The following TLL1 variants were observed in gnomAD, a reference collection of about 807,000 sequenced individuals.
TLL1 encodes the protein tolloid-like protein 1.
In TLL1, 49 loss-of-function variants were observed where a neutral mutation model predicts 128.2. The ratio of observed to expected loss-of-function variants is 0.38; its 90% CI spans 0.30 to 0.48. The LOEUF is 0.48. TLL1 is among the 20% of genes least tolerant of loss of function. TLL1 has a pLI of 0.96. For synonymous variants in TLL1, 454 were observed against 418.8 expected, an observed-to-expected ratio of 1.08 and a Z score of -1.03; for missense variants, 1,123 against 1,242.0, an observed-to-expected ratio of 0.90 and a Z score of 1.44.
At chr4:165,910,730 A>T (rs545306506) in intron 1 of TLL1, among the ~76,000 whole-genome samples, 1 of 152,362 alleles carries the variant, frequency 6.6e-6, no homozygotes, top group South Asian at 2.1e-4. Context: ...ACAATGCATT[A>T]TGTCAAATAA....
At chr4:165,926,777 G>T (rs573042191) in intron 1 of TLL1, among the ~76,000 whole-genome samples, 1 of 152,250 alleles carries the variant, frequency 6.6e-6, no homozygotes, top group South Asian at 2.1e-4. Context: ...CAGCCAGCTA[G>T]CTTTACTGGC....
At chr4:165,893,668 GAAA>G (rs1037918714) in intron 1 of TLL1, among the ~76,000 whole-genome samples, 1 of 151,848 alleles carries the variant, frequency 6.6e-6, no homozygotes, top group African/African-American at 2.4e-5. Flanking sequence ...AAAGAAAAAA[GAAA>G]AAAAATTCCT....
rs1742280090 is a variant in TLL1 at position 166,101,366 on chromosome 4, G to A, written c.*490G>A. 5.9e-6 allele frequency: 1 copy of A among 170,936 alleles called. No individual in the cohort carries two copies. The highest frequency in any genetic ancestry group is 1.3e-5 in the Non-Finnish European group (1 of 79,558). The allele number at this position is 170,936 out of a possible 1,614,324, so 10.6% of individuals were successfully genotyped here. On this transcript the variant is annotated 3_prime_UTR_variant, in exon 21 of 21. Transcript: ENST00000061240. The stretch of plus-strand genomic sequence containing the variant: ...CATATAAGGTGAATGTGAAATGGGA[G>A]TCTTCTGAGGGTGATTTGTACTTTC...
chr4:165,934,716 C>A (rs1241984642), intron 1 of TLL1, among the ~76,000 whole-genome samples: 1 of 152,212 alleles, frequency 6.6e-6, no homozygotes, highest in Non-Finnish European at 1.5e-5. Context: ...CCCTGGATCA[C>A]CTGTAACCCA....
chr4:165,927,825 T>C (rs1160235543), intron 1 of TLL1, among the ~76,000 whole-genome samples: 1 of 152,214 alleles, frequency 6.6e-6, no homozygotes, highest in African/African-American at 2.4e-5. Context: ...CAAAGAAATA[T>C]CTTGTCCAAA....
chr4:166,024,431 C>G (rs1399152448), intron 8 of TLL1, among the ~76,000 whole-genome samples: 4 of 152,066 alleles, frequency 2.6e-5, no homozygotes, highest in African/African-American at 9.7e-5. Flanking sequence ...ACTGTTCTTT[C>G]AAATTGTTGA....
chr4:166,079,128 A>G (rs1741172626), intron 18 of TLL1, among the ~76,000 whole-genome samples: 1 of 152,150 alleles, frequency 6.6e-6, no homozygotes. Context: ...TGACAGCACT[A>G]GAGGAACTCA....
At chr4:166,042,191 G>A (rs1739269314) in intron 11 of TLL1, 48 bp downstream of exon 11, 1 of 1,229,078 alleles carries the variant, frequency 8.1e-7, no homozygotes, top group Admixed American at 1.7e-5. Context: ...TATCTCAACA[G>A]AAATGTTCGT....
intron 5 of TLL1, 71 bp downstream of exon 5, chr4:165,995,249 G>C: frequency 2.7e-6 from 3 of 1,116,608 alleles, no homozygotes; most frequent in Non-Finnish European, 4.1e-6. Context: ...AATGTCCATA[G>C]GTAAGATTTA....
At chr4:166,028,333 A>G (rs926434873) in intron 9 of TLL1, among the ~76,000 whole-genome samples, 6 of 151,876 alleles carry the variant, frequency 4.0e-5, no homozygotes, top group South Asian at 2.1e-4. Flanking sequence ...CTTTGCAAAC[A>G]TTGTTTCTTC....
chr4:165,883,223 T>C (rs981910136), intron 1 of TLL1, among the ~76,000 whole-genome samples: 3 of 152,214 alleles, frequency 2.0e-5, no homozygotes, highest in Non-Finnish European at 4.4e-5. Context: ...AAGTTAACTT[T>C]GTTAATATCT....
In TLL1 at chr4:166,052,905, AT is replaced by A. The variant is rs1560837674; in HGVS notation, c.1525-2168del. 1.4e-3 allele frequency among the ~76,000 whole-genome samples: 203 copies of A among 145,582 alleles called. 2 individuals carry two copies. Among genetic ancestry groups the A allele is most frequent in the African/African-American group, 5.0e-3 (195 of 38,836 alleles). ...TTTGGCCATCTGGAAATGTTCTCATATTTATAGAGAACCCTGATTTTGAAGG... is the reference window on the plus strand; with the variant it reads ...TTTGGCCATCTGGAAATGTTCTCATATTATAGAGAACCCTGATTTTGAAGG... On this transcript the variant is annotated intron_variant, in intron 12 of 20. Transcript: ENST00000061240.
intron 15 of TLL1, among the ~76,000 whole-genome samples, chr4:166,062,440 C>T (rs985623369): frequency 9.2e-5 from 14 of 152,204 alleles, no homozygotes; most frequent in Non-Finnish European, 1.5e-4. Context: ...TCACATCCCT[C>T]GTAAGTTGTA....
intron 18 of TLL1, 30 bp downstream of exon 18, chr4:166,078,060 T>A (rs755577138): frequency 6.2e-7 from 1 of 1,612,158 alleles, no homozygotes; most frequent in Non-Finnish European, 8.5e-7. Context: ...TTCTTTCCAT[T>A]AAGCTGACTG....
At chr4:166,063,506 A>T (rs1412534123) in intron 15 of TLL1, among the ~76,000 whole-genome samples, 2 of 152,198 alleles carry the variant, frequency 1.3e-5, no homozygotes, top group East Asian at 1.9e-4. Flanking sequence ...TACCCAAAGG[A>T]TTATAAATCA....
intron 1 of TLL1, among the ~76,000 whole-genome samples, chr4:165,900,054 ATTT>A (rs546256716): frequency 0.01 from 1,283 of 126,950 alleles, 21 homozygotes; most frequent in African/African-American, 0.034. Context: ...GCTTTCCCTG[ATTT>A]TTTTTTTTTT....
intron 10 of TLL1, among the ~76,000 whole-genome samples, chr4:166,040,274 TAGTAAATCCA>T (rs1405061637): frequency 6.6e-6 from 1 of 152,164 alleles, no homozygotes; most frequent in Non-Finnish European, 1.5e-5. Context: ...ACAGCAGCCA[TAGTAAATCCA>T]AGAGATCTGT....
chr4:166,027,584 G>A (rs1052112062), intron 9 of TLL1, among the ~76,000 whole-genome samples: 2 of 152,128 alleles, frequency 1.3e-5, no homozygotes, highest in Non-Finnish European at 2.9e-5. Context: ...TATAAGTGTT[G>A]TAATATGATC....
intron 1 of TLL1, among the ~76,000 whole-genome samples, chr4:165,916,677 A>G (rs1055074554): frequency 2.6e-5 from 4 of 152,156 alleles, no homozygotes; most frequent in Admixed American, 2.0e-4. Context: ...AAAACTCACC[A>G]ATATAGTTTA....
Sources: allele counts gnomAD v4.1 joint callset (sites outside exome capture counted in the v4.1 genomes callset), GRCh38; gene constraint gnomAD v4.1.1; transcripts MANE v1.5; gene names NCBI Gene and HGNC (gene_info 2026-07-23, HGNC 2026-07-21).